The following COL27A1 variants were observed in gnomAD, a reference collection of about 807,000 sequenced individuals.
COL27A1 encodes collagen alpha-1(XXVII) chain.
Under a neutral mutation model 251.3 loss-of-function variants are expected in COL27A1, and 106 were observed. That is an observed-to-expected ratio of 0.42 (90% CI 0.36 to 0.50). COL27A1 has a LOEUF of 0.50. Ranked by LOEUF, COL27A1 falls within the 20% of genes least tolerant of loss-of-function variation. COL27A1 has a pLI of 0.00. For synonymous variants in COL27A1, 1,000 were observed against 986.3 expected (o/e 1.01, Z -0.26); for missense variants, 2,325 against 2,522.8 (o/e 0.92, Z 1.68).
In COL27A1 at chr9:114,245,925, G is replaced by T. The variant is rs773638003; in HGVS notation, c.2979+15G>T. 2 of 1,611,648 alleles carry T rather than the reference G, an allele frequency of 1.2e-6. No individual in the cohort carries two copies. Among genetic ancestry groups the T allele is most frequent in the Non-Finnish European group, 1.7e-6 (2 of 1,178,468 alleles). On this transcript the variant is annotated intron_variant, in intron 24 of 60. Coordinates refer to ENST00000356083, the MANE Select transcript of COL27A1 (RefSeq NM_032888.4). ...TGGGAGAGCAGGTTAGTTAGCAACG[G>T]TCTCTGAATGAGTGGCTCCATTTAT...
In COL27A1 at chr9:114,155,758, C is replaced by T. The variant is rs1381257085; in HGVS notation, c.-193C>T. The T allele has an allele frequency of 5.7e-6, 1 of 176,404 alleles. No homozygotes were observed. Among genetic ancestry groups the T allele is most frequent in the East Asian group, 1.9e-4 (1 of 5,208 alleles). 10.9% of individuals were successfully genotyped at this position (176,404 alleles called of 1,614,324 possible). On this transcript the variant is annotated 5_prime_UTR_variant, in exon 1 of 61. Coordinates refer to ENST00000356083, the MANE Select transcript of COL27A1 (RefSeq NM_032888.4). This position sits in a 1 kb window ranked among gnomAD's most constrained non-coding sequence, Gnocchi z 5.5. ...CGCCCGGACTCCTGGGACCATGGGCCTGGCGCGGGCGCCCGCGGGGCCCCA... is the reference window on the plus strand; with the variant it reads ...CGCCCGGACTCCTGGGACCATGGGCTTGGCGCGGGCGCCCGCGGGGCCCCA...
intron 14 of COL27A1, among the ~76,000 whole-genome samples, chr9:114,225,948 G>C (rs1439335532): frequency 6.6e-6 from 1 of 152,096 alleles, no homozygotes; most frequent in African/African-American, 2.4e-5. Context: ...TGGAAGTGTC[G>C]GGCTTGTCAC....
At chr9:114,167,183 G>A (rs978525779) in intron 2 of COL27A1, among the ~76,000 whole-genome samples, 5 of 152,266 alleles carry the variant, frequency 3.3e-5, no homozygotes, top group Admixed American at 6.5e-5. Flanking sequence ...GGAGTATAAC[G>A]TGTCATTGTT....
chr9:114,237,498 G>A (rs1038627725), intron 18 of COL27A1, among the ~76,000 whole-genome samples, 164 bp from the exon 19 acceptor site: 4 of 152,236 alleles, frequency 2.6e-5, no homozygotes, highest in African/African-American at 9.6e-5. Flanking sequence ...GTTAGCAAGT[G>A]CAGGAGGCAG....
Position 114,309,441 on chromosome 9 carries a change from G to A in COL27A1, c.5399G>A (p.Gly1800Asp). ...AATGGACAGATTTTTGAAGCTGGGG[G>A]TCAGTTCCGGCCCGAGGTGTCCATG... ...AWNGQIFEAG[G>D]QFRPEVSMDG... The change falls in exon 60 of 61, where the codon GGT becomes GAT. Residue 1800 changes from glycine (G) to aspartate (D), a missense_variant. Coordinates refer to ENST00000356083, the MANE Select transcript of COL27A1 (RefSeq NM_032888.4). 1 of 1,613,954 alleles carries A rather than the reference G, an allele frequency of 6.2e-7. No individual in the cohort carries two copies. The highest frequency in any genetic ancestry group is 1.1e-5 in the South Asian group (1 of 91,080).
intron 3 of COL27A1, among the ~76,000 whole-genome samples, chr9:114,169,962 T>G (rs578060145): frequency 1.3e-5 from 2 of 152,364 alleles, no homozygotes; most frequent in South Asian, 4.1e-4. Flanking sequence ...CGTGCAGTGT[T>G]CTTTTTTAAA....
chr9:114,231,949 G>A lies in COL27A1; in HGVS notation c.2565+83G>A, dbSNP rs1345110846. ...GCCCGGAGGCTGCTGCTGATTTCTC[G>A]CCAGGTCCACTCCCCTGCACTCTTC... On this transcript the variant is annotated intron_variant, in intron 16 of 60. Transcript: ENST00000356083. 2.4e-5 allele frequency: 33 copies of A among 1,373,724 alleles called. No homozygotes were observed. In the South Asian group the frequency reaches 3.2e-4, roughly 13 times the overall value. The allele number at this position is 1,373,724 out of a possible 1,614,324, so 85.1% of individuals were successfully genotyped here. A position where few individuals can be genotyped will look rare whatever the true frequency, so the allele number is the denominator to read the frequency against.
intron 1 of COL27A1, among the ~76,000 whole-genome samples, chr9:114,159,391 T>C (rs1053666910): frequency 2.6e-5 from 4 of 152,110 alleles, no homozygotes; most frequent in African/African-American, 9.7e-5. Context: ...CTTTATCAGT[T>C]TGGGAAACTT....
chr9:114,310,420 T>C (rs944536266), intron 60 of COL27A1, 129 bp from the exon 61 acceptor site: 1 of 942,392 alleles, frequency 1.1e-6, no homozygotes, highest in South Asian at 1.5e-5. Context: ...ATGTGCCATA[T>C]AGGTCATTGC....
Position 114,168,348 on chromosome 9 carries a change from G to C in COL27A1, c.793G>C (p.Ala265Pro). The change falls in exon 3 of 61, where the codon GCC becomes CCC. Residue 265 changes from alanine (A) to proline (P), a missense_variant. By Grantham distance (27) the Ala-to-Pro change is conservative (BLOSUM62 -1). Coordinates refer to ENST00000356083, the MANE Select transcript of COL27A1 (RefSeq NM_032888.4). Reference sequence around the variant, plus strand: ...ACCTTTTACCTTCCAGTCCGACCTCGCCCTGCTAGGCCTGGAGAACTTGAC... The same window carrying C: ...ACCTTTTACCTTCCAGTCCGACCTCCCCCTGCTAGGCCTGGAGAACTTGAC... The part of the protein sequence containing the change: ...GRPFTFQSDL[A>P]LLGLENLTTA... 1 of 1,613,180 alleles carries C rather than the reference G, an allele frequency of 6.2e-7. No homozygotes were observed. The highest frequency in any genetic ancestry group is 8.5e-7 in the Non-Finnish European group (1 of 1,180,002).
At chr9:114,218,619 T>A (rs1309260583) in intron 12 of COL27A1, 1 of 152,222 alleles carries the variant, frequency 6.6e-6, no homozygotes, top group Non-Finnish European at 1.5e-5. Flanking sequence ...TCTCGTTTCC[T>A]CCTTTTGGTG....
chr9:114,154,998 G>A (rs890792736), upstream of COL27A1, among the ~76,000 whole-genome samples: 4 of 152,034 alleles, frequency 2.6e-5, no homozygotes, highest in Non-Finnish European at 5.9e-5. The surrounding 1 kb of genome is among the most constrained non-coding windows in gnomAD (Gnocchi z 5.8). Flanking sequence ...GTGGTGGGGT[G>A]CGGTTAGATT....
At position 114,266,634 on chromosome 9, in the gene COL27A1, C is replaced by G. The variant is rs1243686564; in HGVS notation, c.3447+16C>G. 1 of 1,610,564 alleles carries G rather than the reference C, an allele frequency of 6.2e-7. No individual in the cohort carries two copies. The highest frequency in any genetic ancestry group is 8.5e-7 in the Non-Finnish European group (1 of 1,176,916). ...GGGACCCAAGGTGAGTGTGAGAGAC[C>G]CTTATTCGTCCCATGATGCTGCTGG... On this transcript the variant is annotated intron_variant, in intron 33 of 60. Transcript: ENST00000356083.
intron 49 of COL27A1, among the ~76,000 whole-genome samples, chr9:114,293,643 A>G (rs1182714650): frequency 6.6e-6 from 1 of 152,206 alleles, no homozygotes; most frequent in Non-Finnish European, 1.5e-5. Flanking sequence ...AACAAAAACA[A>G]CAAAAAGGAT....
chr9:114,301,640 C>A (rs772937939), intron 54 of COL27A1, 42 bp from the exon 55 acceptor site: 2 of 1,578,556 alleles, frequency 1.3e-6, no homozygotes, highest in South Asian at 1.2e-5. Context: ...GAGATGAAGA[C>A]CCTGTGGACC....
chr9:114,244,082 C>T (rs896451906), intron 23 of COL27A1, among the ~76,000 whole-genome samples: 5 of 152,150 alleles, frequency 3.3e-5, no homozygotes, highest in South Asian at 2.1e-4. Context: ...TGCAGCACCA[C>T]GCCCAGCTAA....
chr9:114,241,089 T>C (rs1832723760), intron 21 of COL27A1, among the ~76,000 whole-genome samples: 1 of 152,242 alleles, frequency 6.6e-6, no homozygotes, highest in Admixed American at 6.5e-5. Context: ...GAGCATCGAT[T>C]TGCTTATTTA....
chr9:114,285,519 G>T (rs1481157571), intron 41 of COL27A1, among the ~76,000 whole-genome samples: 1 of 152,122 alleles, frequency 6.6e-6, no homozygotes. Flanking sequence ...GGCTCAGCTG[G>T]AACGCTTCGC....
At chr9:114,254,771 C>T (rs1221053250) in intron 27 of COL27A1, among the ~76,000 whole-genome samples, 2 of 152,216 alleles carry the variant, frequency 1.3e-5, no homozygotes, top group East Asian at 3.8e-4. Flanking sequence ...TTTCATGCAC[C>T]TGCTGTGTGC....
Sources: allele counts gnomAD v4.1 joint callset (sites outside exome capture counted in the v4.1 genomes callset), GRCh38; gene constraint gnomAD v4.1.1; non-coding constraint Gnocchi (gnomAD v3.1); transcripts MANE v1.5; gene names NCBI Gene and HGNC (gene_info 2026-07-23, HGNC 2026-07-21).